Variants in CSMD1 observed in about 807,000 individuals in gnomAD.
The protein encoded by CSMD1 is CUB and Sushi multiple domains 1, also known as CUB and sushi domain-containing protein 1.
CSMD1 carries 213 observed loss-of-function variants against 417.5 expected under a neutral mutation model. The observed-to-expected ratio is 0.51, with a 90% CI of 0.46 to 0.57. The LOEUF is 0.57. Among genes scored for constraint, CSMD1 ranks in the 20% least tolerant of loss-of-function variants. The pLI is 0.00. For missense variants in CSMD1, 6,923 were observed against 4,529.7 expected, an observed-to-expected ratio of 1.53 and a Z score of -15.17; for synonymous variants, 2,862 against 1,736.8, an observed-to-expected ratio of 1.65 and a Z score of -16.11.
intron 33 of CSMD1, among the ~76,000 whole-genome samples, chr8:3,190,970 C>T (rs956909062): frequency 4.6e-5 from 7 of 152,120 alleles, no homozygotes; most frequent in Non-Finnish European, 7.3e-5. Flanking sequence ...GGCTGGGGAA[C>T]AGGAAAATGG....
intron 1 of CSMD1, among the ~76,000 whole-genome samples, chr8:4,906,104 C>G (rs910374850): frequency 1.4e-4 from 21 of 152,096 alleles, no homozygotes; most frequent in African/African-American, 5.1e-4. Context: ...TCAAATTATC[C>G]TTGTATGATA....
chr8:3,819,921 C>T lies in CSMD1; in HGVS notation c.819-65879G>A, dbSNP rs1426007530. On this transcript the variant is annotated intron_variant, in intron 5 of 69. Coordinates refer to ENST00000635120, the MANE Select transcript of CSMD1 (RefSeq NM_033225.6). ...TATAATAGAGGCAGACTGGACAAGA[C>T]ACGCCACAGCTTCGCCTCTCCCTTG... Among the ~76,000 whole-genome samples, 6 of 152,136 alleles carry T rather than the reference C, an allele frequency of 3.9e-5. No homozygotes were observed. In the East Asian group the frequency reaches 1.2e-3, roughly 29 times the overall value.
At chr8:3,285,071 G>T (rs1379831292) in intron 25 of CSMD1, among the ~76,000 whole-genome samples, 9 of 152,110 alleles carry the variant, frequency 5.9e-5, no homozygotes, top group Non-Finnish European at 1.3e-4. Flanking sequence ...AAGCAAGAAG[G>T]GTTTAGTTGA....
chr8:4,150,510 C>G (rs968861049), intron 3 of CSMD1, among the ~76,000 whole-genome samples: 3 of 152,174 alleles, frequency 2.0e-5, no homozygotes, highest in African/African-American at 7.2e-5. Context: ...TTCTAGAAGG[C>G]AGAATTTCTC....
At chr8:3,911,971 A>G (rs2954626) in intron 5 of CSMD1, among the ~76,000 whole-genome samples, 12 of 152,020 alleles carry the variant, frequency 7.9e-5, no homozygotes, top group African/African-American at 2.7e-4. Context: ...ATCTTCCCAC[A>G]AGTTTCCTGA....
intron 1 of CSMD1, among the ~76,000 whole-genome samples, chr8:4,731,160 G>C (rs921142312): frequency 4.6e-5 from 7 of 152,138 alleles, no homozygotes; most frequent in Admixed American, 1.3e-4. Flanking sequence ...TTAACTTTCC[G>C]AGCTGTAACT....
At chr8:3,021,160 C>T (rs1809344716) in intron 51 of CSMD1, among the ~76,000 whole-genome samples, 1 of 152,302 alleles carries the variant, frequency 6.6e-6, no homozygotes, top group South Asian at 2.1e-4. Context: ...GCAAGACCAC[C>T]TCCCTCTGCT....
intron 8 of CSMD1, among the ~76,000 whole-genome samples, chr8:3,593,511 C>G (rs1050846517): frequency 2.0e-5 from 3 of 152,276 alleles, no homozygotes; most frequent in Admixed American, 2.0e-4. Context: ...CCAAAATGCC[C>G]TCTCCACAGC....
intron 3 of CSMD1, among the ~76,000 whole-genome samples, chr8:4,094,539 A>C (rs1217753303): frequency 6.6e-6 from 1 of 152,218 alleles, no homozygotes; most frequent in Non-Finnish European, 1.5e-5. Flanking sequence ...AAATAGCTTC[A>C]GTGGGAGATT....
chr8:4,765,443 G>A (rs539775654), intron 1 of CSMD1, among the ~76,000 whole-genome samples: 32 of 152,276 alleles, frequency 2.1e-4, no homozygotes, highest in Non-Finnish European at 3.4e-4. Context: ...GTTTCAAAGC[G>A]TAATTCAATT....
chr8:4,452,476 G>C (rs1031346796), intron 2 of CSMD1, among the ~76,000 whole-genome samples: 1 of 152,126 alleles, frequency 6.6e-6, no homozygotes, highest in African/African-American at 2.4e-5. Flanking sequence ...ACTCATATTT[G>C]AGCAAACCAT....
chr8:4,293,467 T>C (rs1797487960), intron 3 of CSMD1, among the ~76,000 whole-genome samples: 3 of 152,224 alleles, frequency 2.0e-5, no homozygotes, highest in Non-Finnish European at 4.4e-5. Context: ...GTGAAAATTA[T>C]TATTTATATA....
intron 3 of CSMD1, among the ~76,000 whole-genome samples, chr8:4,160,195 C>CT (rs1402838020): frequency 6.6e-6 from 1 of 151,968 alleles, no homozygotes; most frequent in Non-Finnish European, 1.5e-5. Flanking sequence ...AAGTATTTGT[C>CT]TTTTATATAG....
intron 34 of CSMD1, 95 bp downstream of exon 34, chr8:3,189,817 A>G (rs1796305472): frequency 8.6e-7 from 1 of 1,158,390 alleles, no homozygotes; most frequent in Non-Finnish European, 1.2e-6. Context: ...GTCATGAGCC[A>G]GATGGATTTA....
At chr8:4,229,503 A>G (rs1801575238) in intron 3 of CSMD1, among the ~76,000 whole-genome samples, 2 of 152,234 alleles carry the variant, frequency 1.3e-5, no homozygotes, top group Non-Finnish European at 2.9e-5. Flanking sequence ...TTTTGTCTTC[A>G]TATAATTCTA....
intron 15 of CSMD1, among the ~76,000 whole-genome samples, chr8:3,404,822 G>A (rs931954950): frequency 6.6e-6 from 1 of 151,958 alleles, no homozygotes; most frequent in Non-Finnish European, 1.5e-5. Flanking sequence ...GAGACGCTTT[G>A]AGCTTATGAT....
intron 3 of CSMD1, among the ~76,000 whole-genome samples, chr8:4,394,965 T>G (rs1234537156): frequency 6.6e-6 from 1 of 151,884 alleles, no homozygotes; most frequent in African/African-American, 2.4e-5. Flanking sequence ...AAGGGAAGAG[T>G]TAATTCACAG....
intron 9 of CSMD1, among the ~76,000 whole-genome samples, chr8:3,577,858 G>A (rs183593601): frequency 4.9e-4 from 75 of 152,224 alleles, no homozygotes; most frequent in African/African-American, 1.8e-3. Flanking sequence ...TTTTCTACTA[G>A]TCAGAATCAC....
intron 11 of CSMD1, among the ~76,000 whole-genome samples, chr8:3,480,297 G>C (rs111970325): frequency 0.019 from 2,936 of 152,272 alleles, 106 homozygotes; most frequent in African/African-American, 0.066. Context: ...AGGAGGCGGA[G>C]GATGCATTGA....
Sources: allele counts gnomAD v4.1 joint callset (sites outside exome capture counted in the v4.1 genomes callset), GRCh38; gene constraint gnomAD v4.1.1; transcripts MANE v1.5; gene names NCBI Gene and HGNC (gene_info 2026-07-23, HGNC 2026-07-21).